The following PEPD variants were observed in gnomAD, a reference collection of about 807,000 sequenced individuals.
PEPD encodes peptidase D.
Under a neutral mutation model 60.7 loss-of-function variants are expected in PEPD, and 53 were observed. The observed-to-expected ratio is 0.87, with a 90% CI of 0.70 to 1.10. PEPD has a LOEUF of 1.10. Ranked by LOEUF, PEPD falls within the 50% of genes least tolerant of loss-of-function variation. The pLI, the probability that PEPD is intolerant of heterozygous loss-of-function variation, is 0.00. For missense variants in PEPD, 711 were observed against 711.9 expected, an observed-to-expected ratio of 1.00 and a Z score of 0.01; for synonymous variants, 267 against 284.1, an observed-to-expected ratio of 0.94 and a Z score of 0.60.
At chr19:33,511,205 G>T in intron 2 of PEPD, 50 bp from the exon 3 acceptor site, 1 of 1,607,440 alleles carries the variant, frequency 6.2e-7, no homozygotes, top group Non-Finnish European at 8.5e-7. Flanking sequence ...TGAGGTGCAA[G>T]GAGGGACCGG....
At chr19:33,442,401 T>A (rs1274445298) in intron 9 of PEPD, among the ~76,000 whole-genome samples, 1 of 133,068 alleles carries the variant, frequency 7.5e-6, no homozygotes, top group Non-Finnish European at 1.6e-5. Flanking sequence ...AGTGAGACTC[T>A]GTCTCAAAAA....
intron 1 of PEPD, among the ~76,000 whole-genome samples, chr19:33,513,945 T>TCTGCAGAAATGCCCCTTTCCTACCC (rs1970980231): frequency 2.4e-4 from 11 of 45,950 alleles, no homozygotes; most frequent in Non-Finnish European, 4.2e-4. Context: ...ACCCACCCCA[T>TCTGCAGAAATGCCCCTTTCCTACCC]CCCCCAGCTC....
rs528840913 is a variant in PEPD, at chr19:33,496,827, G to C, written c.394-3490C>G. ...CTGTGGGTGTACATCCTCCCCTGGG[G>C]ACAATCAGAGGCTTCCCACGGACAC... On this transcript the variant is annotated intron_variant, in intron 4 of 14. Transcript: ENST00000244137. Among the ~76,000 whole-genome samples, 3 of 152,332 alleles carry C rather than the reference G, an allele frequency of 2.0e-5. No homozygotes were observed. The South Asian group carries it at 6.2e-4, about 32-fold the overall frequency.
chr19:33,457,777 T>C (rs1969831914), intron 9 of PEPD, among the ~76,000 whole-genome samples: 1 of 152,238 alleles, frequency 6.6e-6, no homozygotes, highest in Non-Finnish European at 1.5e-5. Context: ...CCCAAAGTGC[T>C]GGAATTACAG....
At chr19:33,431,510 T>C (rs1005299953) in intron 9 of PEPD, among the ~76,000 whole-genome samples, 8 of 152,218 alleles carry the variant, frequency 5.3e-5, no homozygotes, top group Non-Finnish European at 1.2e-4. Flanking sequence ...ACTCTCGATG[T>C]TTCCTTCATT....
At position 33,391,394 on chromosome 19, in the gene PEPD, C is replaced by T. The variant is rs1361101201; in HGVS notation, c.1053G>A (p.Val351=). The T allele has an allele frequency of 2.5e-6, 4 of 1,592,446 alleles. No homozygotes were observed. Among genetic ancestry groups the T allele is most frequent in the East Asian group, 2.3e-5 (1 of 44,082 alleles). The stretch of plus-strand genomic sequence containing the variant: ...CCAGGTGAGCCTGGACCATGGCGTC[C>T]ACGCTGCCGCTCAGGATGCCCATGT... ...LAHMGILSGS[V]DAMVQAHLGA... Residue 351 remains valine, a synonymous_variant, in exon 13 of 15, where the codon GTG becomes GTA. Transcript: ENST00000244137.
At chr19:33,417,402 G>T (rs1439294857) in intron 9 of PEPD, among the ~76,000 whole-genome samples, 4 of 152,208 alleles carry the variant, frequency 2.6e-5, no homozygotes, top group African/African-American at 9.6e-5. Context: ...AACCTGAGGT[G>T]GGGAGGGTGT....
intron 3 of PEPD, among the ~76,000 whole-genome samples, chr19:33,503,222 G>A (rs1970743138): frequency 6.6e-6 from 1 of 152,184 alleles, no homozygotes; most frequent in Non-Finnish European, 1.5e-5. Flanking sequence ...CGGCTGCAGG[G>A]AGCAACAACA....
chr19:33,471,673 A>G (rs1289445309), intron 7 of PEPD, among the ~76,000 whole-genome samples: 1 of 152,214 alleles, frequency 6.6e-6, no homozygotes, highest in Non-Finnish European at 1.5e-5. Context: ...AGGAAGCAAC[A>G]GAGAATCATG....
chr19:33,423,359 C>T (rs532887730), intron 9 of PEPD, among the ~76,000 whole-genome samples: 8 of 152,226 alleles, frequency 5.3e-5, no homozygotes, highest in Non-Finnish European at 1.2e-4. Context: ...ATGATGGCCA[C>T]GCATGGCCTT....
At chr19:33,472,673 C>T (rs529748837) in intron 7 of PEPD, among the ~76,000 whole-genome samples, 2 of 152,222 alleles carry the variant, frequency 1.3e-5, no homozygotes, top group Admixed American at 6.5e-5. Context: ...GATCTAAACA[C>T]TCCACTGATT....
At position 33,401,700 on chromosome 19, in the gene PEPD, C is replaced by T. The variant is rs757684121; in HGVS notation, c.967+21G>A. The T allele has an allele frequency of 9.4e-6, 15 of 1,599,118 alleles. No individual in the cohort carries two copies. The African/African-American group carries it at 2.0e-4, about 21-fold the overall frequency. On this transcript the variant is annotated intron_variant, in intron 12 of 14. Coordinates refer to ENST00000244137, the MANE Select transcript of PEPD (RefSeq NM_000285.4). Reference sequence around the variant, plus strand: ...CCAACGCCACGTCAGATGCGCCTCCCCCCACCGACCCGCTGCTCACCTGGC... The same window carrying T: ...CCAACGCCACGTCAGATGCGCCTCCTCCCACCGACCCGCTGCTCACCTGGC...
At chr19:33,466,428 A>T (rs1230599411) in intron 7 of PEPD, among the ~76,000 whole-genome samples, 1 of 152,246 alleles carries the variant, frequency 6.6e-6, no homozygotes, top group Non-Finnish European at 1.5e-5. Flanking sequence ...GTGCAATAAG[A>T]AATACACATC....
intron 9 of PEPD, among the ~76,000 whole-genome samples, chr19:33,436,914 G>T (rs1412562866): frequency 1.3e-5 from 2 of 152,220 alleles, no homozygotes; most frequent in Non-Finnish European, 2.9e-5. Flanking sequence ...GGAGGAGGGA[G>T]ATCTTGCTTA....
rs56958062 is a variant in PEPD, at chr19:33,483,930, C to A, written c.504-5840G>T. ...CTCCTGTCCTCCTGCCAGCCAGGGA[C>A]CCTCCATGGCTTCGTTAATGGTGTT... On this transcript the variant is annotated intron_variant, in intron 6 of 14. Coordinates refer to ENST00000244137, the MANE Select transcript of PEPD (RefSeq NM_000285.4). 4.1e-3 allele frequency among the ~76,000 whole-genome samples: 618 copies of A among 152,286 alleles called. 6 individuals carry two copies. Among genetic ancestry groups the A allele is most frequent in the African/African-American group, 0.014 (583 of 41,570 alleles).
intron 9 of PEPD, among the ~76,000 whole-genome samples, chr19:33,440,515 C>T (rs1171892872): frequency 1.3e-5 from 2 of 152,112 alleles, no homozygotes; most frequent in Non-Finnish European, 2.9e-5. Context: ...TCTCTGGCCC[C>T]ACCTCCCACC....
At chr19:33,455,622 C>G (rs1401071519) in intron 9 of PEPD, among the ~76,000 whole-genome samples, 1 of 151,668 alleles carries the variant, frequency 6.6e-6, no homozygotes, top group African/African-American at 2.4e-5. Flanking sequence ...CCTGCCTCAG[C>G]CTTCCAAGTA....
At chr19:33,495,387 A>G (rs903044143) in intron 4 of PEPD, among the ~76,000 whole-genome samples, 23 of 149,754 alleles carry the variant, frequency 1.5e-4, no homozygotes, top group African/African-American at 4.7e-4. Flanking sequence ...AGTCCCAGCT[A>G]CTCAGGAGGC....
intron 9 of PEPD, among the ~76,000 whole-genome samples, chr19:33,414,485 G>A (rs945561929): frequency 1.3e-5 from 2 of 152,164 alleles, no homozygotes; most frequent in African/African-American, 4.8e-5. Flanking sequence ...GTGTGGTCGT[G>A]GGGAGCTGCC....
Sources: allele counts gnomAD v4.1 joint callset (sites outside exome capture counted in the v4.1 genomes callset), GRCh38; gene constraint gnomAD v4.1.1; transcripts MANE v1.5; gene names NCBI Gene and HGNC (gene_info 2026-07-23, HGNC 2026-07-21).